Variants in DHRSX observed in about 807,000 individuals in gnomAD.
DHRSX encodes the protein dehydrogenase/reductase X-linked, also known as polyprenol dehydrogenase.
In DHRSX, 31 loss-of-function variants were observed where a neutral mutation model predicts 34.0. The observed-to-expected ratio is 0.91, with a 90% CI of 0.69 to 1.23. The LOEUF (loss-of-function observed/expected upper bound fraction) is 1.23. DHRSX is among the 50% of genes most tolerant of loss of function. The probability of loss-of-function intolerance (pLI) is 0.00; values close to 1 mark genes in which losing one functional copy is unlikely to be tolerated. For missense variants in DHRSX, 414 were observed against 428.1 expected, an observed-to-expected ratio of 0.97 and a Z score of 0.29; for synonymous variants, 201 against 183.8, an observed-to-expected ratio of 1.09 and a Z score of -0.76.
At chrX:2,354,876 C>T (rs1190098287) in intron 3 of DHRSX, among the ~76,000 whole-genome samples, 2 of 152,162 alleles carry the variant, frequency 1.3e-5, no homozygotes, top group African/African-American at 2.4e-5. Context: ...AAAGAACCAA[C>T]TCACGCATCC....
intron 1 of DHRSX, among the ~76,000 whole-genome samples, chrX:2,478,438 T>C (rs2044714888): frequency 6.6e-6 from 1 of 152,136 alleles, no homozygotes; most frequent in African/African-American, 2.4e-5. Flanking sequence ...TGAAGACGTT[T>C]TCTAAGAATG....
chrX:2,352,581 T>C (rs2042801236), intron 3 of DHRSX, among the ~76,000 whole-genome samples: 2 of 152,146 alleles, frequency 1.3e-5, no homozygotes, highest in Non-Finnish European at 2.9e-5. Flanking sequence ...TTACAGATCA[T>C]CTGACACTTC....
In DHRSX at chrX:2,480,063, C is replaced by G. The variant is rs188364180; in HGVS notation, c.109+20754G>C. Among the ~76,000 whole-genome samples, 23 of 143,780 alleles carry G rather than the reference C, an allele frequency of 1.6e-4. 1 individual carries two copies. Among genetic ancestry groups the G allele is most frequent in the African/African-American group, 6.5e-4 (23 of 35,396 alleles). 94.3% of individuals were successfully genotyped at this position (143,780 alleles called of 152,430 possible). ...TCAGCCCATCAATGGGATACCTGCA[C>G]CCCCTGTGCACTGCCAACACTACTA... is the stretch of plus-strand genomic sequence containing the variant. On this transcript the variant is annotated intron_variant, in intron 1 of 6. Transcript: ENST00000334651.
intron 3 of DHRSX, among the ~76,000 whole-genome samples, chrX:2,313,105 C>A (rs149216084): frequency 1.3e-5 from 2 of 151,264 alleles, no homozygotes; most frequent in Non-Finnish European, 2.9e-5. Context: ...CAGGTTCAAG[C>A]GATTCTCTTG....
chrX:2,487,828 A>T (rs1569506610), intron 1 of DHRSX: 1 of 152,018 alleles, frequency 6.6e-6, no homozygotes, highest in Non-Finnish European at 1.5e-5. Flanking sequence ...CTTTTTAAGA[A>T]GGGCATTTTG....
intron 3 of DHRSX, among the ~76,000 whole-genome samples, chrX:2,360,911 G>C (rs2042925480): frequency 6.6e-6 from 1 of 152,106 alleles, no homozygotes; most frequent in South Asian, 2.1e-4. Context: ...AGCGAGAAAT[G>C]GCATGATGCT....
intron 5 of DHRSX, among the ~76,000 whole-genome samples, chrX:2,244,479 T>G (rs1220868844): frequency 1.3e-5 from 2 of 152,118 alleles, no homozygotes; most frequent in Non-Finnish European, 2.9e-5. Context: ...CACCATAGAC[T>G]CCTTTTAGAA....
rs369201636 is a variant in DHRSX at position 2,325,665 on chromosome X, C to T, written c.287-34062G>A. On this transcript the variant is annotated intron_variant, in intron 3 of 6. Coordinates refer to ENST00000334651, the MANE Select transcript of DHRSX (RefSeq NM_145177.3). ...CAACTACAAAGCCCATTTGCATAAA[C>T]GATTAGGGTGGGCAACCAGCCTTTC... Among the ~76,000 whole-genome samples the T allele has an allele frequency of 6.0e-4, 92 of 152,266 alleles. 3 individuals carry two copies. In the South Asian group the frequency reaches 0.018, roughly 31 times the overall value.
rs752752428 is a variant in DHRSX at position 2,292,285 on chromosome X, C to T, written c.287-682G>A. On this transcript the variant is annotated intron_variant, in intron 3 of 6. Coordinates refer to ENST00000334651, the MANE Select transcript of DHRSX (RefSeq NM_145177.3). ...AAAGCCAGCAAGATACTCAGATCCCCAGATCTGCAGCTTCCAGGAATTGGA... is the reference window on the plus strand; with the variant it reads ...AAAGCCAGCAAGATACTCAGATCCCTAGATCTGCAGCTTCCAGGAATTGGA... Among the ~76,000 whole-genome samples the T allele has an allele frequency of 1.2e-3, 188 of 152,296 alleles. 1 individual carries two copies. Among genetic ancestry groups the T allele is most frequent in the Admixed American group, 1.9e-3 (29 of 15,300 alleles).
intron 2 of DHRSX, among the ~76,000 whole-genome samples, chrX:2,420,622 A>C (rs2043767461): frequency 6.6e-6 from 1 of 150,824 alleles, no homozygotes; most frequent in Non-Finnish European, 1.5e-5. Context: ...GTGCTCCTGT[A>C]GTCCCAGCTA....
chrX:2,255,193 A>T (rs1050498220), intron 5 of DHRSX, among the ~76,000 whole-genome samples: 7 of 151,774 alleles, frequency 4.6e-5, no homozygotes, highest in African/African-American at 1.7e-4. Context: ...TCGATCTCAA[A>T]GAGAGGTCTT....
At chrX:2,453,109 G>C (rs761388925) in intron 1 of DHRSX, among the ~76,000 whole-genome samples, 1 of 152,298 alleles carries the variant, frequency 6.6e-6, no homozygotes, top group South Asian at 2.1e-4. Flanking sequence ...GAAGTGAAAT[G>C]AAACAGGCAC....
chrX:2,411,147 G>A (rs760999789), intron 2 of DHRSX, among the ~76,000 whole-genome samples: 182 of 152,222 alleles, frequency 1.2e-3, no homozygotes, highest in Admixed American at 3.1e-3. Context: ...CCTTTACACT[G>A]GGGACTTGTA....
rs1411487958 is a variant in DHRSX, at chrX:2,314,390, A to G, written c.287-22787T>C. 9.7e-5 allele frequency among the ~76,000 whole-genome samples: 6 copies of G among 62,106 alleles called. 1 individual carries two copies. The highest frequency in any genetic ancestry group is 4.1e-4 in the African/African-American group (5 of 12,198). 40.7% of individuals were successfully genotyped at this position (62,106 alleles called of 152,430 possible). A position where few individuals can be genotyped will look rare whatever the true frequency, so the allele number is the denominator to read the frequency against. On this transcript the variant is annotated intron_variant, in intron 3 of 6. Coordinates refer to ENST00000334651, the MANE Select transcript of DHRSX (RefSeq NM_145177.3). Reference sequence around the variant, plus strand: ...GGAGAGAGGGAAAGGAATGGAGGGAAGGAAGGAAGGGAAAGAAGGGAGGGA... The same window carrying G: ...GGAGAGAGGGAAAGGAATGGAGGGAGGGAAGGAAGGGAAAGAAGGGAGGGA...
intron 3 of DHRSX, among the ~76,000 whole-genome samples, chrX:2,356,978 T>C (rs1253301817): frequency 6.6e-6 from 1 of 152,122 alleles, no homozygotes; most frequent in Non-Finnish European, 1.5e-5. Context: ...GCGTAGGGGC[T>C]CACATCTGTA....
intron 1 of DHRSX, among the ~76,000 whole-genome samples, chrX:2,440,210 C>T (rs1176110862): frequency 6.6e-6 from 1 of 151,648 alleles, no homozygotes; most frequent in Non-Finnish European, 1.5e-5. Context: ...TTTTCTTTTT[C>T]TTTTTTTTGA....
chrX:2,404,116 G>A (rs2043523442), intron 3 of DHRSX, among the ~76,000 whole-genome samples: 1 of 152,138 alleles, frequency 6.6e-6, no homozygotes. Context: ...ATTGATGGTT[G>A]AATGCCTTCA....
intron 3 of DHRSX, among the ~76,000 whole-genome samples, chrX:2,373,711 G>A (rs967265924): frequency 6.6e-6 from 1 of 152,126 alleles, no homozygotes; most frequent in Admixed American, 6.6e-5. Context: ...TACTTCAAGG[G>A]CCCCTGCGTA....
chrX:2,367,737 A>T (rs2043011098), intron 3 of DHRSX, among the ~76,000 whole-genome samples: 2 of 152,200 alleles, frequency 1.3e-5, no homozygotes, highest in East Asian at 3.9e-4. Context: ...AGACACATAC[A>T]TAATTTATAA....
Sources: allele counts gnomAD v4.1 joint callset (sites outside exome capture counted in the v4.1 genomes callset), GRCh38; gene constraint gnomAD v4.1.1; transcripts MANE v1.5; gene names NCBI Gene and HGNC (gene_info 2026-07-23, HGNC 2026-07-21).